Variants in PRKG1 observed in about 807,000 individuals in gnomAD.
The protein encoded by PRKG1 is protein kinase cGMP-dependent 1.
A neutral mutation model predicts 88.1 loss-of-function variants in PRKG1; 35 were observed. The ratio of observed to expected loss-of-function variants is 0.40; its 90% CI spans 0.30 to 0.53. PRKG1 has a LOEUF of 0.53. Ranked by LOEUF, PRKG1 falls within the 20% of genes least tolerant of loss-of-function variation. PRKG1 has a pLI of 0.59. For synonymous variants in PRKG1, 303 were observed against 292.5 expected, an observed-to-expected ratio of 1.04 and a Z score of -0.37; for missense variants, 540 against 839.8, an observed-to-expected ratio of 0.64 and a Z score of 4.41.
chr10:51,207,515 A>T (rs932233113), intron 2 of PRKG1, among the ~76,000 whole-genome samples: 23 of 151,606 alleles, frequency 1.5e-4, no homozygotes, highest in Middle Eastern at 3.4e-3. Flanking sequence ...ATTTTTTTTT[A>T]ATTCTCTCGG....
chr10:51,795,374 T>G (rs189475204), intron 3 of PRKG1, among the ~76,000 whole-genome samples: 15 of 152,250 alleles, frequency 9.9e-5, no homozygotes, highest in African/African-American at 3.4e-4. Context: ...CCATCCTCTA[T>G]ATGTCATTGA....
chr10:51,687,147 T>A (rs1267463880), intron 3 of PRKG1, among the ~76,000 whole-genome samples: 2 of 150,896 alleles, frequency 1.3e-5, no homozygotes, highest in Non-Finnish European at 3.0e-5. Context: ...AATGAAAACT[T>A]TCAAGAAAAA....
chr10:51,129,018 A>C (rs1333860735), intron 1 of PRKG1, among the ~76,000 whole-genome samples: 1 of 152,342 alleles, frequency 6.6e-6, no homozygotes, highest in African/African-American at 2.4e-5. Context: ...CCTCTTGGCT[A>C]TCTGGAATAC....
rs531964705 is a variant in PRKG1, at chr10:52,001,968, C to A, written c.763-52516C>A. Among the ~76,000 whole-genome samples, 3 of 151,962 alleles carry A rather than the reference C, an allele frequency of 2.0e-5. No individual in the cohort carries two copies. In the South Asian group the frequency reaches 6.2e-4, roughly 32 times the overall value. On this transcript the variant is annotated intron_variant, in intron 5 of 17. Transcript: ENST00000373980. ...TCTTCCTTTGGTATGGAAAAAAGAA[C>A]AGCAACCATGAAATAAGAATTGTAT...
chr10:51,094,444 T>C (rs1844479914), intron 1 of PRKG1, among the ~76,000 whole-genome samples: 1 of 152,022 alleles, frequency 6.6e-6, no homozygotes, highest in Non-Finnish European at 1.5e-5. Context: ...ATATAAGAAA[T>C]TCTAAAAATT....
At chr10:52,047,633 CCA>C (rs1164153182) in intron 5 of PRKG1, among the ~76,000 whole-genome samples, 2 of 152,034 alleles carry the variant, frequency 1.3e-5, no homozygotes, top group Non-Finnish European at 2.9e-5. Context: ...ACACAAAAGT[CCA>C]CAGTCAAGAA....
intron 3 of PRKG1, among the ~76,000 whole-genome samples, chr10:51,535,260 A>T (rs1464181588): frequency 6.6e-6 from 1 of 152,220 alleles, no homozygotes; most frequent in African/African-American, 2.4e-5. Context: ...TTAATATATT[A>T]CAATTCAGCA....
At chr10:51,396,225 AAAAAG>A (rs770900055) in intron 2 of PRKG1, among the ~76,000 whole-genome samples, 16 of 152,192 alleles carry the variant, frequency 1.1e-4, no homozygotes, top group Non-Finnish European at 1.5e-4. Context: ...ATCTCTATCA[AAAAAG>A]AAAAGAAAAG....
chr10:51,095,071 G>A (rs1011392929), intron 1 of PRKG1, among the ~76,000 whole-genome samples: 1 of 152,076 alleles, frequency 6.6e-6, no homozygotes, highest in African/African-American at 2.4e-5. Context: ...AGATAAGAAA[G>A]GCTATAAAAG....
chr10:51,127,984 G>C (rs1197509412), intron 1 of PRKG1, among the ~76,000 whole-genome samples: 1 of 152,228 alleles, frequency 6.6e-6, no homozygotes, highest in Admixed American at 6.5e-5. Context: ...GGAAGGGAGA[G>C]CATTAGGACA....
chr10:51,648,385 T>C lies in PRKG1; in HGVS notation c.593-156200T>C, dbSNP rs899272770. 5.3e-5 allele frequency among the ~76,000 whole-genome samples: 8 copies of C among 152,334 alleles called. No individual in the cohort carries two copies. The South Asian group carries it at 1.2e-3, about 24-fold the overall frequency. On this transcript the variant is annotated intron_variant, in intron 3 of 17. Transcript: ENST00000373980. ...TAATTTAAGCTGTGGTGCTGAATCA[T>C]ATGACACTGTATATTGCCTGCACTG...
chr10:51,339,586 G>T (rs1165994575), intron 2 of PRKG1, among the ~76,000 whole-genome samples: 1 of 151,640 alleles, frequency 6.6e-6, no homozygotes, highest in Non-Finnish European at 1.5e-5. Context: ...GTAACATTTT[G>T]TATACATTAT....
At chr10:51,645,151 C>T (rs986682762) in intron 3 of PRKG1, among the ~76,000 whole-genome samples, 3 of 152,170 alleles carry the variant, frequency 2.0e-5, no homozygotes, top group African/African-American at 7.2e-5. Flanking sequence ...GCCTCATTAA[C>T]ACATTAGAGT....
At chr10:51,992,402 AT>A (rs1844336180) in intron 5 of PRKG1, among the ~76,000 whole-genome samples, 1 of 152,074 alleles carries the variant, frequency 6.6e-6, no homozygotes, top group African/African-American at 2.4e-5. Context: ...TCTTTAATGT[AT>A]TGTAAAAATG....
intron 2 of PRKG1, among the ~76,000 whole-genome samples, chr10:51,410,470 T>G (rs1315361538): frequency 1.3e-5 from 2 of 152,036 alleles, no homozygotes; most frequent in African/African-American, 4.8e-5. Flanking sequence ...GGGCTAGGTC[T>G]AGTCTTTTCA....
At chr10:51,146,036 A>C (rs7916770) in intron 1 of PRKG1, among the ~76,000 whole-genome samples, 5,078 of 152,042 alleles carry the variant, frequency 0.033, 253 homozygotes, top group African/African-American at 0.11. Flanking sequence ...AACAAACAAA[A>C]AAAACAGCCA....
At chr10:52,066,339 C>A (rs1248055058) in intron 7 of PRKG1, among the ~76,000 whole-genome samples, 2 of 152,114 alleles carry the variant, frequency 1.3e-5, no homozygotes, top group Non-Finnish European at 2.9e-5. Flanking sequence ...GTAAGCTCCT[C>A]CAGATATATG....
chr10:51,216,348 C>G (rs776226722), intron 2 of PRKG1, among the ~76,000 whole-genome samples: 1 of 152,168 alleles, frequency 6.6e-6, no homozygotes, highest in Non-Finnish European at 1.5e-5. Flanking sequence ...TGTTATTGCT[C>G]CCATTTTGTA....
intron 4 of PRKG1, among the ~76,000 whole-genome samples, chr10:51,886,412 A>G (rs920874286): frequency 1.3e-5 from 2 of 152,168 alleles, no homozygotes; most frequent in South Asian, 2.1e-4. Flanking sequence ...ATGCATGCAC[A>G]TTTTATTTTC....
Sources: gnomAD v4.1 joint callset for allele counts (sites outside exome capture counted in the v4.1 genomes callset) on GRCh38, gnomAD v4.1.1 for gene constraint, MANE v1.5 for transcripts, NCBI Gene and HGNC (gene_info 2026-07-23, HGNC 2026-07-21) for gene names.